Variants in RORA observed in about 807,000 individuals in gnomAD.
RORA encodes nuclear receptor ROR-alpha.
Under a neutral mutation model 69.5 loss-of-function variants are expected in RORA, and 7 were observed. The observed-to-expected ratio is 0.10, with a 90% CI of 0.06 to 0.19. RORA has a LOEUF of 0.19. Among genes scored for constraint, RORA ranks in the 10% least tolerant of loss-of-function variants. The pLI is 1.00. For synonymous variants in RORA, 261 were observed against 240.8 expected, an observed-to-expected ratio of 1.08 and a Z score of -0.78; for missense variants, 457 against 663.0, an observed-to-expected ratio of 0.69 and a Z score of 3.41.
chr15:61,117,471 A>G (rs1463810479), intron 1 of RORA, among the ~76,000 whole-genome samples: 1 of 152,204 alleles, frequency 6.6e-6, no homozygotes. Flanking sequence ...TAACATGCCT[A>G]AGTACCTCCC....
At chr15:60,545,643 C>T (rs1567076251) in intron 2 of RORA, among the ~76,000 whole-genome samples, 2 of 152,182 alleles carry the variant, frequency 1.3e-5, no homozygotes, top group South Asian at 4.1e-4. Flanking sequence ...TGGTCTGCTA[C>T]GGTAAATGGT....
intron 1 of RORA, among the ~76,000 whole-genome samples, chr15:61,127,095 A>G (rs2079149596): frequency 6.6e-6 from 1 of 152,196 alleles, no homozygotes. Flanking sequence ...ACACCTACCC[A>G]GGAAAGATCC....
intron 1 of RORA, among the ~76,000 whole-genome samples, chr15:60,863,758 A>G (rs915249125): frequency 4.0e-5 from 6 of 151,644 alleles, no homozygotes; most frequent in Admixed American, 1.3e-4. Context: ...TATTCTTTTC[A>G]TTATCACAAA....
intron 1 of RORA, among the ~76,000 whole-genome samples, chr15:60,719,938 A>C (rs1467394372): frequency 6.6e-6 from 1 of 152,200 alleles, no homozygotes; most frequent in Non-Finnish European, 1.5e-5. Flanking sequence ...GCTACATTGC[A>C]GTGTTGCCTT....
At chr15:60,998,720 C>A (rs1360369465) in intron 1 of RORA, among the ~76,000 whole-genome samples, 1 of 147,380 alleles carries the variant, frequency 6.8e-6, no homozygotes, top group Non-Finnish European at 1.5e-5. Context: ...TTTCTGACAG[C>A]CTCTTCACAA....
At chr15:61,009,847 T>C (rs16943489) in intron 1 of RORA, among the ~76,000 whole-genome samples, 18,879 of 152,244 alleles carry the variant, frequency 0.12, 1,215 homozygotes, top group Middle Eastern at 0.15. Context: ...GGCTTCGACA[T>C]GTCAGCCTAG....
chr15:60,981,252 T>C (rs1836803254), intron 1 of RORA, among the ~76,000 whole-genome samples: 2 of 152,168 alleles, frequency 1.3e-5, no homozygotes, highest in African/African-American at 4.8e-5. Context: ...TCGTCTTTGA[T>C]TTTCAACAGT....
In RORA at chr15:60,869,869, G is replaced by A. The variant is rs193062635; in HGVS notation, c.167-191183C>T. Among the ~76,000 whole-genome samples the A allele has an allele frequency of 2.6e-3, 402 of 152,272 alleles. 3 individuals carry two copies. Among genetic ancestry groups the A allele is most frequent in the African/African-American group, 9.2e-3 (381 of 41,560 alleles). On this transcript the variant is annotated intron_variant, in intron 1 of 10. Transcript: ENST00000335670. Reference sequence around the variant, plus strand: ...GGCTTGGTAGTGCATCACTGTTCTTGCTTCCTCCACACTTATGTCCCAGAG... The same window carrying A: ...GGCTTGGTAGTGCATCACTGTTCTTACTTCCTCCACACTTATGTCCCAGAG...
At chr15:61,144,283 C>T (rs1043822335) in intron 1 of RORA, among the ~76,000 whole-genome samples, 1 of 152,232 alleles carries the variant, frequency 6.6e-6, no homozygotes, top group African/African-American at 2.4e-5. Context: ...CCACGGGCAG[C>T]TCGAGCTGCG....
At chr15:60,811,349 G>A (rs2072740419) in intron 1 of RORA, among the ~76,000 whole-genome samples, 1 of 152,188 alleles carries the variant, frequency 6.6e-6, no homozygotes, top group Non-Finnish European at 1.5e-5. Flanking sequence ...TTTCCCCCTT[G>A]CTGGCTTGGG....
chr15:60,972,141 T>C (rs891257462), intron 1 of RORA, among the ~76,000 whole-genome samples: 1 of 152,098 alleles, frequency 6.6e-6, no homozygotes. Context: ...ATTGGAGTAG[T>C]GGGAAAAAAC....
chr15:61,073,060 C>G lies in RORA; in HGVS notation c.166+155993G>C, dbSNP rs149798941. Among the ~76,000 whole-genome samples, 658 of 152,314 alleles carry G rather than the reference C, an allele frequency of 4.3e-3. 4 individuals are homozygous for G. Among genetic ancestry groups the G allele is most frequent in the African/African-American group, 0.015 (632 of 41,582 alleles). On this transcript the variant is annotated intron_variant, in intron 1 of 10. Transcript: ENST00000335670. ...TTTCCTGTCCACTTTTCGCCACCAT[C>G]AATTGCATCTTTTCTTAACTCTCTG...
rs533947194 is a variant in RORA, at chr15:60,946,730, T to C, written c.167-268044A>G. ...AGGAGCGTCTCTGCCTGGCTGCCCATCGTCTGGGATGTGAGGAGCCCCTCT... is the reference window on the plus strand; with the variant it reads ...AGGAGCGTCTCTGCCTGGCTGCCCACCGTCTGGGATGTGAGGAGCCCCTCT... On this transcript the variant is annotated intron_variant, in intron 1 of 10. Transcript: ENST00000335670. Among the ~76,000 whole-genome samples the C allele has an allele frequency of 2.0e-3, 298 of 145,972 alleles. 2 individuals carry two copies. Among genetic ancestry groups the C allele is most frequent in the Non-Finnish European group, 2.1e-3 (142 of 66,528 alleles).
chr15:61,004,892 A>G (rs1220096743), intron 1 of RORA, among the ~76,000 whole-genome samples: 1 of 152,258 alleles, frequency 6.6e-6, no homozygotes, highest in Non-Finnish European at 1.5e-5. Flanking sequence ...TGAAAAAGAA[A>G]GATAATACCA....
rs201147174 is a variant in RORA, at chr15:60,855,349, A to G, written c.167-176663T>C. On this transcript the variant is annotated intron_variant, in intron 1 of 10. Transcript: ENST00000335670. Reference sequence around the variant, plus strand: ...CATGACAGATTGTATAGGCGCCTGCATAACTTCTGACTCACTCCCCAGGTG... The same window carrying G: ...CATGACAGATTGTATAGGCGCCTGCGTAACTTCTGACTCACTCCCCAGGTG... Among the ~76,000 whole-genome samples the G allele has an allele frequency of 1.1e-4, 17 of 152,332 alleles. No individual in the cohort carries two copies. The East Asian group carries it at 3.3e-3, about 29-fold the overall frequency.
chr15:60,511,283 G>T lies in RORA; in HGVS notation c.763C>A (p.Pro255Thr). The change falls in exon 5 of 11, where the codon CCC (proline) becomes ACC (threonine). Residue 255 changes from proline to threonine, a missense_variant. By Grantham distance (38) the Pro-to-Thr change is conservative (BLOSUM62 -1). Coordinates refer to ENST00000335670, the MANE Select transcript of RORA (RefSeq NM_134261.3). This position sits in a 1 kb window ranked among gnomAD's most constrained non-coding sequence, Gnocchi z 6.4. ...CDYTPASGFF[P>T]YCSFTNGETS... ...TCGCCGTTGGTGAACGAACAGTAGG[G>T]AAAGAAGCCTGATGCTGGTGTGTAG... 6.2e-7 allele frequency: 1 copy of T among 1,614,232 alleles called. No homozygotes were observed. The highest frequency in any genetic ancestry group is 8.5e-7 in the Non-Finnish European group (1 of 1,180,030).
At chr15:60,878,825 CA>C (rs1484912691) in intron 1 of RORA, among the ~76,000 whole-genome samples, 7 of 152,320 alleles carry the variant, frequency 4.6e-5, no homozygotes, top group African/African-American at 1.7e-4. Context: ...GAAAAATTCC[CA>C]TTAGGTAGGC....
intron 1 of RORA, among the ~76,000 whole-genome samples, chr15:60,898,324 G>A (rs1595801289): frequency 6.6e-6 from 1 of 152,212 alleles, no homozygotes; most frequent in East Asian, 1.9e-4. Context: ...GTTCTAGGTT[G>A]TAGGAAGAGA....
chr15:60,628,946 T>C (rs746069927), intron 2 of RORA, among the ~76,000 whole-genome samples: 4 of 152,210 alleles, frequency 2.6e-5, no homozygotes, highest in Non-Finnish European at 5.9e-5. Context: ...GTTTTAGTTC[T>C]CAAGCACAAG....
Sources: allele counts gnomAD v4.1 joint callset (sites outside exome capture counted in the v4.1 genomes callset), GRCh38; gene constraint gnomAD v4.1.1; non-coding constraint Gnocchi (gnomAD v3.1); transcripts MANE v1.5; gene names NCBI Gene and HGNC (gene_info 2026-07-23, HGNC 2026-07-21).